Variants in ASCL5 observed in about 807,000 individuals in gnomAD.
ASCL5 encodes the protein achaete-scute homolog 5.
For missense variants in ASCL5, 262 were observed against 268.9 expected, an observed-to-expected ratio of 0.97 and a Z score of 0.18; for synonymous variants, 124 against 131.5, an observed-to-expected ratio of 0.94 and a Z score of 0.39.
At chr1:201,120,725 T>C (rs952669433) in intron 1 of ASCL5, among the ~76,000 whole-genome samples, 2 of 152,110 alleles carry the variant, frequency 1.3e-5, no homozygotes, top group Non-Finnish European at 2.9e-5. Context: ...GGAACCAGAG[T>C]TGGGGGTCTG....
Position 201,114,857 on chromosome 1 carries a change from A to C in ASCL5, c.516T>G (p.Pro172=). 1 of 1,052,848 alleles carries C rather than the reference A, an allele frequency of 9.5e-7. No homozygotes were observed. Among genetic ancestry groups the C allele is most frequent in the Non-Finnish European group, 1.2e-6 (1 of 850,484 alleles). The allele number at this position is 1,052,848 out of a possible 1,614,324, so 65.2% of individuals were successfully genotyped here. A position where few individuals can be genotyped will look rare whatever the true frequency, so the allele number is the denominator to read the frequency against. The change falls in exon 2 of 2, where the codon CCT becomes CCG. Residue 172 remains proline, a synonymous_variant. Transcript: ENST00000449188. The stretch of plus-strand genomic sequence containing the variant: ...AGGGCGCCCGGGCCTCGCCGTCGCC[A>C]GGGCGGTCGGGACGGGGGGTGGCGG... The part of the protein sequence containing the change: ...APPATPRPDR[P]GDGEARAPSS...
Position 201,115,494 on chromosome 1 carries a change from T to C in ASCL5, c.-122A>G. ...AGCAGCAGCTCTTGGGTACCAGGAC[T>C]TGCTAGGGCCTCTTTTCGCCCTTTA... On this transcript the variant is annotated 5_prime_UTR_variant, in exon 2 of 2. Coordinates refer to ENST00000449188, the MANE Select transcript of ASCL5 (RefSeq NM_001270601.2). The C allele has an allele frequency of 2.6e-6, 2 of 779,388 alleles. No homozygotes were observed. The highest frequency in any genetic ancestry group is 3.5e-6 in the Non-Finnish European group (2 of 575,890). 48.3% of individuals were successfully genotyped at this position (779,388 alleles called of 1,614,324 possible). A position where few individuals can be genotyped will look rare whatever the true frequency, so the allele number is the denominator to read the frequency against.
intron 1 of ASCL5, among the ~76,000 whole-genome samples, chr1:201,120,032 TCCTCC>T (rs1248095151): frequency 2.0e-5 from 3 of 152,160 alleles, no homozygotes; most frequent in Non-Finnish European, 4.4e-5. Flanking sequence ...TAACTGCTGT[TCCTCC>T]CCAGAGCTTT....
chr1:201,122,607 C>A (rs1284967325), intron 1 of ASCL5, among the ~76,000 whole-genome samples: 1 of 152,118 alleles, frequency 6.6e-6, no homozygotes, highest in African/African-American at 2.4e-5. Flanking sequence ...GATATGAGGA[C>A]TTTCTTGGCC....
At chr1:201,124,231 C>T (rs1663534571) in intron 1 of ASCL5, among the ~76,000 whole-genome samples, 1 of 152,202 alleles carries the variant, frequency 6.6e-6, no homozygotes, top group African/African-American at 2.4e-5. Flanking sequence ...TCAAGCTGTG[C>T]CTGAGCCTCC....
Position 201,114,563 on chromosome 1 carries a change from C to T in ASCL5, c.*189G>A, listed in dbSNP as rs1017153790. 7.8e-5 allele frequency: 35 copies of T among 449,412 alleles called. 1 individual carries two copies. Among genetic ancestry groups the T allele is most frequent in the African/African-American group, 6.5e-4 (32 of 49,242 alleles). 27.8% of individuals were successfully genotyped at this position (449,412 alleles called of 1,614,324 possible). A position where few individuals can be genotyped will look rare whatever the true frequency, so the allele number is the denominator to read the frequency against. ...CTAGGTCTCTATCGTGCCCATCGTA[C>T]CCGCTGCCCTGCACTTCCGCCCCAA... On this transcript the variant is annotated 3_prime_UTR_variant, in exon 2 of 2. Coordinates refer to ENST00000449188, the MANE Select transcript of ASCL5 (RefSeq NM_001270601.2).
chr1:201,119,829 G>A (rs544699327), intron 1 of ASCL5, among the ~76,000 whole-genome samples: 69 of 152,084 alleles, frequency 4.5e-4, no homozygotes, highest in African/African-American at 1.6e-3. Context: ...AGAGCTAGTT[G>A]AGTGAACCCA....
At chr1:201,117,907 T>C (rs1287284134) in intron 1 of ASCL5, among the ~76,000 whole-genome samples, 5 of 152,208 alleles carry the variant, frequency 3.3e-5, no homozygotes, top group Non-Finnish European at 7.3e-5. Context: ...TCTTTTATTG[T>C]ACAAATTTGG....
chr1:201,123,508 TC>T (rs983341344), intron 1 of ASCL5, among the ~76,000 whole-genome samples: 8 of 152,162 alleles, frequency 5.3e-5, no homozygotes, highest in African/African-American at 1.9e-4. Flanking sequence ...ACTGATGGTA[TC>T]CCCAACTTAC....
chr1:201,126,863 A>T (rs1005578238), intron 1 of ASCL5, among the ~76,000 whole-genome samples: 2 of 152,242 alleles, frequency 1.3e-5, no homozygotes, highest in African/African-American at 4.8e-5. Context: ...CCTTGGCAGC[A>T]CAGCTGATCT....
intron 1 of ASCL5, among the ~76,000 whole-genome samples, chr1:201,121,955 T>C (rs536823442): frequency 1.3e-5 from 2 of 152,268 alleles, no homozygotes; most frequent in South Asian, 2.1e-4. Context: ...ACCATATACA[T>C]AGTGAACACT....
intron 1 of ASCL5, among the ~76,000 whole-genome samples, chr1:201,120,135 T>C (rs1007567174): frequency 6.6e-6 from 1 of 152,196 alleles, no homozygotes; most frequent in African/African-American, 2.4e-5. Flanking sequence ...GGGCCAGCTA[T>C]CATCAATTAT....
rs1276749026 is a variant in ASCL5 at position 201,115,594 on chromosome 1, C to T, written c.-222G>A. 5 of 367,618 alleles carry T rather than the reference C, an allele frequency of 1.4e-5. No individual in the cohort carries two copies. Among genetic ancestry groups the T allele is most frequent in the East Asian group, 4.0e-5 (1 of 24,880 alleles). 22.8% of individuals were successfully genotyped at this position (367,618 alleles called of 1,614,324 possible). On this transcript the variant is annotated 5_prime_UTR_variant, in exon 2 of 2. It adds an upstream start codon to the 5' untranslated region. Coordinates refer to ENST00000449188, the MANE Select transcript of ASCL5 (RefSeq NM_001270601.2). ...TGGCCCCTCTCAGGAGGTCGGTGCACGCCTTCTCAGAGCCAGCCCATGGCG... is the reference window on the plus strand; with the variant it reads ...TGGCCCCTCTCAGGAGGTCGGTGCATGCCTTCTCAGAGCCAGCCCATGGCG...
chr1:201,119,677 T>C (rs539351889), intron 1 of ASCL5, among the ~76,000 whole-genome samples: 5 of 152,320 alleles, frequency 3.3e-5, no homozygotes, highest in Non-Finnish European at 2.9e-5. Flanking sequence ...AAAATATGTA[T>C]TAATACAATT....
At position 201,114,925 on chromosome 1, in the gene ASCL5, C is replaced by T. The variant is rs1663304480; in HGVS notation, c.448G>A (p.Ala150Thr). 2 of 1,230,624 alleles carry T rather than the reference C, an allele frequency of 1.6e-6. No individual in the cohort carries two copies. Among genetic ancestry groups the T allele is most frequent in the Non-Finnish European group, 2.0e-6 (2 of 987,344 alleles). The allele number at this position is 1,230,624 out of a possible 1,614,324, so 76.2% of individuals were successfully genotyped here. A position where few individuals can be genotyped will look rare whatever the true frequency, so the allele number is the denominator to read the frequency against. ...CCGGTGCCCGGGAGGCCGCGGGAAG[C>T]GGGGGGCGTCGAGCCGTCGGGGGCC... ...SSAPDGSTPP[A>T]SRGLPGTGPC... The change falls in exon 2 of 2, where the codon GCT (alanine) becomes ACT (threonine). Residue 150 changes from alanine (A) to threonine (T), a missense_variant. Coordinates refer to ENST00000449188, the MANE Select transcript of ASCL5 (RefSeq NM_001270601.2).
At position 201,115,437 on chromosome 1, in the gene ASCL5, C is replaced by T; in HGVS notation, c.-65G>A. ...GAATGGCCCCGGCTTGGGGTCTGCA[C>T]CGTCTCCACCAGTGGGGCAAGTCAC... On this transcript the variant is annotated 5_prime_UTR_variant, in exon 2 of 2. In the 5' UTR this introduces an upstream ATG that the reference lacks. Transcript: ENST00000449188. The T allele has an allele frequency of 8.3e-7, 1 of 1,212,072 alleles. No individual in the cohort carries two copies. The highest frequency in any genetic ancestry group is 3.2e-5 in the East Asian group (1 of 31,552). 75.1% of individuals were successfully genotyped at this position (1,212,072 alleles called of 1,614,324 possible). A position where few individuals can be genotyped will look rare whatever the true frequency, so the allele number is the denominator to read the frequency against.
intron 1 of ASCL5, among the ~76,000 whole-genome samples, chr1:201,123,788 C>T (rs1467536948): frequency 6.6e-6 from 1 of 152,178 alleles, no homozygotes. Context: ...GACTCTTGTC[C>T]CAAAGCCACC....
intron 1 of ASCL5, among the ~76,000 whole-genome samples, chr1:201,124,934 G>A (rs145621294): frequency 7.2e-4 from 109 of 152,226 alleles, no homozygotes; most frequent in African/African-American, 2.4e-3. Flanking sequence ...TGAGGCCCTC[G>A]CAGCTCCCTC....
Position 201,121,902 on chromosome 1 carries a change from C to T in ASCL5, c.-506+5182G>A, listed in dbSNP as rs182561898. Among the ~76,000 whole-genome samples, 524 of 152,256 alleles carry T rather than the reference C, an allele frequency of 3.4e-3. 2 individuals are homozygous for T. Among genetic ancestry groups the T allele is most frequent in the Non-Finnish European group, 6.3e-3 (430 of 68,014 alleles). On this transcript the variant is annotated intron_variant, in intron 1 of 1. Coordinates refer to ENST00000449188, the MANE Select transcript of ASCL5 (RefSeq NM_001270601.2). ...ACAATCTCCCTTGGGGGGTCTGTCA[C>T]ATAACCTGTACATATTTCTAGAAGG...
Sources: gnomAD v4.1 joint callset for allele counts (sites outside exome capture counted in the v4.1 genomes callset) on GRCh38, gnomAD v4.1.1 for gene constraint, MANE v1.5 for transcripts, NCBI Gene and HGNC (gene_info 2026-07-23, HGNC 2026-07-21) for gene names.